The following IL1RAPL1 variants were observed in gnomAD, a reference collection of about 807,000 sequenced individuals.
IL1RAPL1 encodes interleukin-1 receptor accessory protein-like 1.
In IL1RAPL1, 3 loss-of-function variants were observed where a neutral mutation model predicts 48.4. That is an observed-to-expected ratio of 0.06 (90% CI 0.03 to 0.16). IL1RAPL1 has a LOEUF of 0.16. IL1RAPL1 is among the 10% of genes least tolerant of loss of function. The pLI is 1.00. For synonymous variants in IL1RAPL1, 185 were observed against 187.7 expected (o/e 0.99, Z 0.12); for missense variants, 349 against 530.6 (o/e 0.66, Z 3.36).
At chrX:29,645,567 A>G (rs1449268866) in intron 5 of IL1RAPL1, among the ~76,000 whole-genome samples, 1 of 111,058 alleles carries the variant, frequency 9.0e-6, no homozygotes, top group Non-Finnish European at 1.9e-5. Context: ...TTTAGAACCA[A>G]CTTGGCACCC....
intron 1 of IL1RAPL1, among the ~76,000 whole-genome samples, chrX:28,743,396 G>A (rs753104760): frequency 5.7e-4 from 63 of 111,342 alleles, no homozygotes; most frequent in African/African-American, 1.8e-3. Context: ...ACAATATTAC[G>A]GAAAATATTT....
intron 5 of IL1RAPL1, among the ~76,000 whole-genome samples, chrX:29,518,736 A>G (rs1602275518): frequency 8.9e-6 from 1 of 111,752 alleles, no homozygotes; most frequent in Non-Finnish European, 1.9e-5. Context: ...GGACACCATT[A>G]TAAGTTCTTT....
intron 6 of IL1RAPL1, among the ~76,000 whole-genome samples, chrX:29,738,768 C>G (rs1388561580): frequency 8.9e-6 from 1 of 112,000 alleles, no homozygotes; most frequent in African/African-American, 3.2e-5. Context: ...ACACTTTCCT[C>G]TAGGTCTGGT....
chrX:29,034,725 C>T (rs1267719214), intron 2 of IL1RAPL1, among the ~76,000 whole-genome samples: 1 of 111,884 alleles, frequency 8.9e-6, no homozygotes. Context: ...TGGAAACTTT[C>T]CAAGTGTTTA....
At chrX:29,410,676 T>C (rs1453141530) in intron 5 of IL1RAPL1, among the ~76,000 whole-genome samples, 2 of 111,630 alleles carry the variant, frequency 1.8e-5, no homozygotes, top group Admixed American at 1.9e-4. Flanking sequence ...AAAATAGAAA[T>C]ACCATTTTAA....
chrX:28,832,089 A>G (rs73631607), intron 2 of IL1RAPL1, among the ~76,000 whole-genome samples: 38 of 111,297 alleles, frequency 3.4e-4, no homozygotes, highest in Admixed American at 1.3e-3. Flanking sequence ...ACAAACATTT[A>G]TTTCTTTATG....
chrX:28,961,456 C>T (rs997712031), intron 2 of IL1RAPL1, among the ~76,000 whole-genome samples: 1 of 110,945 alleles, frequency 9.0e-6, no homozygotes, highest in Admixed American at 9.6e-5. Context: ...AGGTTTTAAG[C>T]CCCGCATGCA....
chrX:29,169,717 A>T (rs1160410986), intron 2 of IL1RAPL1, among the ~76,000 whole-genome samples: 1 of 111,034 alleles, frequency 9.0e-6, no homozygotes, highest in Non-Finnish European at 1.9e-5. Context: ...GAAACTAAAT[A>T]AATAAACTGG....
At chrX:28,600,039 G>A (rs918122802) in intron 1 of IL1RAPL1, among the ~76,000 whole-genome samples, 3 of 111,581 alleles carry the variant, frequency 2.7e-5, no homozygotes, top group Non-Finnish European at 5.6e-5. Flanking sequence ...GGTAAATCCC[G>A]ATGAGGGACT....
chrX:29,088,832 A>G (rs970005949), intron 2 of IL1RAPL1, among the ~76,000 whole-genome samples: 1 of 111,094 alleles, frequency 9.0e-6, no homozygotes, highest in Admixed American at 9.6e-5. Context: ...ATTTAATGCA[A>G]AAAAGAATTA....
At chrX:29,317,186 C>T (rs1376610600) in intron 3 of IL1RAPL1, among the ~76,000 whole-genome samples, 1 of 111,682 alleles carries the variant, frequency 9.0e-6, no homozygotes, top group Admixed American at 9.5e-5. Flanking sequence ...TTGCTGAAAC[C>T]CTGACTCCAA....
chrX:28,979,728 G>A (rs183331880), intron 2 of IL1RAPL1, among the ~76,000 whole-genome samples: 92 of 112,353 alleles, frequency 8.2e-4, no homozygotes, highest in African/African-American at 2.7e-3. Flanking sequence ...ATGTATTTCA[G>A]TCTCTTGTGT....
chrX:29,236,726 AT>A lies in IL1RAPL1; in HGVS notation c.83-46197del, dbSNP rs386416818. Among the ~76,000 whole-genome samples the A allele has an allele frequency of 3.7e-3, 321 of 87,092 alleles. 4 individuals carry two copies. Among genetic ancestry groups the A allele is most frequent in the African/African-American group, 9.1e-3 (216 of 23,740 alleles). 75.6% of individuals were successfully genotyped at this position (87,092 alleles called of 115,157 possible). On this transcript the variant is annotated intron_variant, in intron 2 of 10. Transcript: ENST00000378993. ...TACAGGCGCCCACCACGCCTGGCTA[AT>A]TTTTTTTTTTTTTTGTATTTTTAGT...
chrX:28,746,206 A>G (rs904458007), intron 1 of IL1RAPL1, among the ~76,000 whole-genome samples: 15 of 111,385 alleles, frequency 1.3e-4, no homozygotes, highest in African/African-American at 4.9e-4. Context: ...AGGGACATGG[A>G]TGAAGCTGGA....
intron 2 of IL1RAPL1, among the ~76,000 whole-genome samples, chrX:28,875,143 A>G (rs928742434): frequency 1.8e-5 from 2 of 112,258 alleles, no homozygotes; most frequent in East Asian, 5.6e-4. Context: ...AAAATTATGA[A>G]TAATTTATAA....
At chrX:28,679,793 A>G (rs1935037443) in intron 1 of IL1RAPL1, among the ~76,000 whole-genome samples, 2 of 111,241 alleles carry the variant, frequency 1.8e-5, no homozygotes, top group African/African-American at 6.5e-5. Flanking sequence ...TTTCTGGGCT[A>G]TTTTGTTCTA....
intron 6 of IL1RAPL1, among the ~76,000 whole-genome samples, chrX:29,832,081 G>A (rs1930893222): frequency 9.0e-6 from 1 of 111,638 alleles, no homozygotes; most frequent in Non-Finnish European, 1.9e-5. Context: ...CCTTAAAGTA[G>A]CAGAAGGAGC....
At chrX:29,131,919 CGA>C (rs1220984262) in intron 2 of IL1RAPL1, among the ~76,000 whole-genome samples, 3 of 111,414 alleles carry the variant, frequency 2.7e-5, no homozygotes, top group Non-Finnish European at 1.9e-5. Flanking sequence ...TACTTGAAGG[CGA>C]CGTTATAAGA....
chrX:28,943,355 T>A (rs1192268012), intron 2 of IL1RAPL1, among the ~76,000 whole-genome samples: 1 of 110,174 alleles, frequency 9.1e-6, no homozygotes, highest in Non-Finnish European at 1.9e-5. Flanking sequence ...GAATTTGAAT[T>A]TGATAGCAAG....
Sources: gnomAD v4.1 joint callset for allele counts (sites outside exome capture counted in the v4.1 genomes callset) on GRCh38, gnomAD v4.1.1 for gene constraint, MANE v1.5 for transcripts, NCBI Gene and HGNC (gene_info 2026-07-23, HGNC 2026-07-21) for gene names.